The following RHBDD1 variants were observed in gnomAD, a reference collection of about 807,000 sequenced individuals.
RHBDD1 encodes rhomboid domain containing 1.
A neutral mutation model predicts 36.3 loss-of-function variants in RHBDD1; 38 were observed. The observed-to-expected ratio is 1.05, with a 90% confidence interval of 0.81 to 1.37. The LOEUF (loss-of-function observed/expected upper bound fraction) is 1.37, where lower values mean the gene tolerates loss of function less well. Ranked by LOEUF, RHBDD1 falls within the 40% of genes most tolerant of loss-of-function variation. The pLI is 0.00. For synonymous variants in RHBDD1, 151 were observed against 136.5 expected (o/e 1.11, Z -0.74); for missense variants, 393 against 377.6 (o/e 1.04, Z -0.34).
At chr2:226,941,054 C>T (rs1575176280) in intron 8 of RHBDD1, among the ~76,000 whole-genome samples, 1 of 44,586 alleles carries the variant, frequency 2.2e-5, no homozygotes, top group Non-Finnish European at 4.3e-5. Flanking sequence ...TCAAGCAATC[C>T]TCCTGCCTCA....
chr2:226,981,927 G>A (rs1955860925), intron 8 of RHBDD1, among the ~76,000 whole-genome samples: 1 of 152,222 alleles, frequency 6.6e-6, no homozygotes. Context: ...AACAGATAAA[G>A]GTTGCATCGC....
the RHBDD1 span, among the ~76,000 whole-genome samples, chr2:226,813,766 T>G: frequency 6.6e-6 from 1 of 152,232 alleles, no homozygotes. Flanking sequence ...CTCTTCCTTA[T>G]TGTTGTTGTC....
At chr2:226,844,204 A>G (rs1025415527) in intron 3 of RHBDD1, among the ~76,000 whole-genome samples, 10 of 152,318 alleles carry the variant, frequency 6.6e-5, no homozygotes, top group African/African-American at 2.4e-4. Flanking sequence ...TTCCAGGGAA[A>G]TAGTTATTAT....
At chr2:226,824,121 C>A in the RHBDD1 span, among the ~76,000 whole-genome samples, 1 of 152,178 alleles carries the variant, frequency 6.6e-6, no homozygotes, top group South Asian at 2.1e-4. Flanking sequence ...TCCATATACA[C>A]ACATTATATA....
Position 226,995,515 on chromosome 2 carries a change from G to A in RHBDD1, c.941G>A (p.Ser314Asn), listed in dbSNP as rs1321072251. ...AGACAGCGGCTTCACAGATTCGATAGCCAGTGAGGTGGCATCTTGGGAAGA... is the reference window on the plus strand; with the variant it reads ...AGACAGCGGCTTCACAGATTCGATAACCAGTGAGGTGGCATCTTGGGAAGA... ...MRRQRLHRFD[S>N]Q is the part of the protein sequence containing the mutation. Residue 314 changes from serine to asparagine, a missense_variant, in exon 9 of 9, where the codon AGC (serine) becomes AAC (asparagine). Physicochemically the swap from Ser to Asn is conservative, Grantham distance 46. Coordinates refer to ENST00000392062, the MANE Select transcript of RHBDD1 (RefSeq NM_001167608.3). 6.2e-7 allele frequency: 1 copy of A among 1,608,712 alleles called. No individual in the cohort carries two copies. Among genetic ancestry groups the A allele is most frequent in the Non-Finnish European group, 8.5e-7 (1 of 1,176,308 alleles).
intron 3 of RHBDD1, among the ~76,000 whole-genome samples, chr2:226,857,775 C>T (rs1943471048): frequency 6.6e-6 from 1 of 152,060 alleles, no homozygotes; most frequent in African/African-American, 2.4e-5. Flanking sequence ...TTGCCAGGCA[C>T]TAGGTGGGAA....
chr2:226,914,994 G>T (rs1329760315), intron 8 of RHBDD1, among the ~76,000 whole-genome samples: 1 of 152,140 alleles, frequency 6.6e-6, no homozygotes, highest in African/African-American at 2.4e-5. Flanking sequence ...AAGGGCATTT[G>T]TTAAAGTTTT....
intron 3 of RHBDD1, among the ~76,000 whole-genome samples, chr2:226,846,747 CAAA>C (rs11366796): frequency 1.0e-4 from 7 of 70,122 alleles, no homozygotes; most frequent in Admixed American, 3.2e-4. Flanking sequence ...AATGCCATCT[CAAA>C]AAAAAAAAAA....
intron 8 of RHBDD1, among the ~76,000 whole-genome samples, chr2:226,916,282 C>T (rs1948906436): frequency 6.6e-6 from 1 of 152,136 alleles, no homozygotes; most frequent in African/African-American, 2.4e-5. Context: ...GAATTGTAGC[C>T]ATTTTTGTAA....
chr2:226,821,444 A>AACCCTGC, the RHBDD1 span, among the ~76,000 whole-genome samples: 4 of 151,310 alleles, frequency 2.6e-5, no homozygotes, highest in Non-Finnish European at 5.9e-5. Flanking sequence ...TATTTTTTTC[A>AACCCTGC]CCCCTGCCCC....
At chr2:226,908,480 A>G in intron 6 of RHBDD1, 1 of 229,200 alleles carries the variant, frequency 4.4e-6, no homozygotes, top group Admixed American at 5.0e-5. Context: ...ATTTAGCCAG[A>G]GTGTCTCTGC....
intron 5 of RHBDD1, 72 bp downstream of exon 5, chr2:226,867,390 T>C: frequency 6.8e-7 from 1 of 1,473,136 alleles, no homozygotes; most frequent in Non-Finnish European, 9.2e-7. Flanking sequence ...GCAATAATAA[T>C]GAGGTAACCA....
At chr2:226,882,017 G>T (rs1022357426) in intron 5 of RHBDD1, among the ~76,000 whole-genome samples, 1 of 152,148 alleles carries the variant, frequency 6.6e-6, no homozygotes, top group African/African-American at 2.4e-5. Flanking sequence ...ACAATGTTAG[G>T]TTCTATAAGT....
Position 226,957,675 on chromosome 2 carries a change from T to C in RHBDD1, c.857-37756T>C, listed in dbSNP as rs1285187422. Among the ~76,000 whole-genome samples, 3 of 152,160 alleles carry C rather than the reference T, an allele frequency of 2.0e-5. No individual in the cohort carries two copies. In the East Asian group the frequency reaches 5.8e-4, roughly 29 times the overall value. ...TGATAAGGGACTTCTATCAAGTCTATATAAGGAACTCTTACAATTCAATAA... is the reference window on the plus strand; with the variant it reads ...TGATAAGGGACTTCTATCAAGTCTACATAAGGAACTCTTACAATTCAATAA... On this transcript the variant is annotated intron_variant, in intron 8 of 8. Transcript: ENST00000392062.
At chr2:226,871,871 T>C (rs1186714457) in intron 5 of RHBDD1, among the ~76,000 whole-genome samples, 1 of 152,246 alleles carries the variant, frequency 6.6e-6, no homozygotes, top group South Asian at 2.1e-4. Flanking sequence ...AATTACTTGG[T>C]TAAGGTAGTC....
chr2:226,807,908 A>G, the RHBDD1 span, among the ~76,000 whole-genome samples: 1 of 152,078 alleles, frequency 6.6e-6, no homozygotes, highest in Non-Finnish European at 1.5e-5. Flanking sequence ...CAGCTACTCC[A>G]GGGGGCTGAG....
chr2:226,933,094 G>T (rs151114402), intron 8 of RHBDD1, among the ~76,000 whole-genome samples: 1 of 152,034 alleles, frequency 6.6e-6, no homozygotes, highest in African/African-American at 2.4e-5. Context: ...AAAACCATCA[G>T]ATCTCATGAG....
the RHBDD1 span, among the ~76,000 whole-genome samples, chr2:226,820,953 A>G: frequency 6.6e-6 from 1 of 152,204 alleles, no homozygotes; most frequent in Non-Finnish European, 1.5e-5. Context: ...ATGAGCAAAC[A>G]GCATCCGTGG....
At chr2:226,910,209 A>G (rs1321136530) in intron 7 of RHBDD1, among the ~76,000 whole-genome samples, 1 of 152,228 alleles carries the variant, frequency 6.6e-6, no homozygotes, top group East Asian at 1.9e-4. Flanking sequence ...AGAGGACTGA[A>G]GAGAACAGCT....
Sources: gnomAD v4.1 joint callset for allele counts (sites outside exome capture counted in the v4.1 genomes callset) on GRCh38, gnomAD v4.1.1 for gene constraint, MANE v1.5 for transcripts, NCBI Gene and HGNC (gene_info 2026-07-23, HGNC 2026-07-21) for gene names.